Variants in WDR20 observed in about 807,000 individuals in gnomAD.
WDR20 encodes the protein WD repeat-containing protein 20.
A neutral mutation model predicts 38.7 loss-of-function variants in WDR20; 3 were observed. The ratio of observed to expected loss-of-function variants is 0.08; its 90% CI spans 0.04 to 0.20. The LOEUF is 0.20. Ranked by LOEUF, WDR20 falls within the 10% of genes least tolerant of loss-of-function variation. The pLI is 1.00. For synonymous variants in WDR20, 298 were observed against 285.6 expected (o/e 1.04, Z -0.44); for missense variants, 559 against 727.7 (o/e 0.77, Z 2.67).
rs1026841613 is a variant in WDR20, at chr14:102,190,241, T to C, written c.250-4697T>C. Among the ~76,000 whole-genome samples, 8 of 152,292 alleles carry C rather than the reference T, an allele frequency of 5.3e-5. No individual in the cohort carries two copies. In the South Asian group the frequency reaches 1.5e-3, roughly 28 times the overall value. ...TTGGATTGGATGATGATTGTAAAGT[T>C]CCTGGTGCAGGCCTGGCACATAGGA... On this transcript the variant is annotated intron_variant, in intron 1 of 2. Coordinates refer to ENST00000342702, the MANE Select transcript of WDR20 (RefSeq NM_144574.4).
rs980083914 is a variant in WDR20, at chr14:102,221,431, G to A, written c.1693-1399G>A. Among the ~76,000 whole-genome samples, 1 of 152,226 alleles carries A rather than the reference G, an allele frequency of 6.6e-6. No homozygotes were observed. Among genetic ancestry groups the A allele is most frequent in the Non-Finnish European group, 1.5e-5 (1 of 68,034 alleles). On this transcript the variant is annotated intron_variant, in intron 3 of 3. Coordinates refer to the WDR20 transcript ENST00000335263. This position sits in a 1 kb window ranked among gnomAD's most constrained non-coding sequence, Gnocchi z 4.8. ...GAGGCTTCCTTCCTCCAGACTGTCT[G>A]CGGCAGAAGTGGGGTCAGGAACCTG...
downstream of WDR20, among the ~76,000 whole-genome samples, chr14:102,215,305 A>T (rs1287714548): frequency 1.3e-5 from 2 of 152,188 alleles, no homozygotes; most frequent in African/African-American, 4.8e-5. Flanking sequence ...CTTCTGTTTA[A>T]TGAGAATGCA....
At position 102,194,446 on chromosome 14, in the gene WDR20, T is replaced by G. The variant is rs140286144; in HGVS notation, c.250-492T>G. ...ATTTAGTCTGGGGTGAGGTTTGAGATTTTTGCATTTCTAAGTTCCCACATG... is the reference window on the plus strand; with the variant it reads ...ATTTAGTCTGGGGTGAGGTTTGAGAGTTTTGCATTTCTAAGTTCCCACATG... On this transcript the variant is annotated intron_variant, in intron 1 of 2. Transcript: ENST00000342702. Among the ~76,000 whole-genome samples, 52 of 152,294 alleles carry G rather than the reference T, an allele frequency of 3.4e-4. No homozygotes were observed. The East Asian group carries it at 4.6e-3, about 14-fold the overall frequency.
At chr14:102,157,525 C>T (rs1388791283) in intron 1 of WDR20, among the ~76,000 whole-genome samples, 2 of 152,088 alleles carry the variant, frequency 1.3e-5, no homozygotes, top group Non-Finnish European at 2.9e-5. Context: ...TCTTGCTGCC[C>T]TAACTAGAGG....
At chr14:102,214,244 GCCC>G (rs71468392), downstream of WDR20, 4 of 985,468 alleles carry the variant, frequency 4.1e-6, no homozygotes, top group Admixed American at 6.1e-5. Flanking sequence ...AGCCTGCAGG[GCCC>G]CCCCTTGTCT....
At chr14:102,184,579 A>G (rs2064141343) in intron 1 of WDR20, among the ~76,000 whole-genome samples, 1 of 152,084 alleles carries the variant, frequency 6.6e-6, no homozygotes, top group Non-Finnish European at 1.5e-5. Context: ...CACCCGATGC[A>G]GAGCTCCAAA....
At chr14:102,175,133 A>G (rs1021135462) in intron 1 of WDR20, among the ~76,000 whole-genome samples, 3 of 152,220 alleles carry the variant, frequency 2.0e-5, no homozygotes. Context: ...GCCTAAGCCA[A>G]TGCCTAGAAG....
chr14:102,204,563 A>G (rs1464458200), intron 2 of WDR20, among the ~76,000 whole-genome samples: 3 of 152,214 alleles, frequency 2.0e-5, no homozygotes, highest in Non-Finnish European at 2.9e-5. Context: ...TACGCACTCA[A>G]TACTGGATGG....
intron 2 of WDR20, among the ~76,000 whole-genome samples, chr14:102,202,378 T>G (rs995690401): frequency 1.5e-5 from 2 of 134,920 alleles, no homozygotes; most frequent in Non-Finnish European, 3.2e-5. Flanking sequence ...GGAGGTTTTT[T>G]TTTTTTTTTT....
chr14:102,212,798 T>C (rs1567087025), downstream of WDR20: 1 of 1,344,726 alleles, frequency 7.4e-7, no homozygotes, highest in Admixed American at 3.1e-5. Flanking sequence ...CTCGCCAAAC[T>C]TTGAGCTTCC....
intron 1 of WDR20, among the ~76,000 whole-genome samples, chr14:102,177,736 A>T (rs1024655359): frequency 6.6e-6 from 1 of 152,214 alleles, no homozygotes; most frequent in African/African-American, 2.4e-5. Flanking sequence ...AGGCTTCCGC[A>T]GTTATCTATT....
Position 102,207,766 on chromosome 14 carries a change from TG to T in WDR20, c.433-835del, listed in dbSNP as rs2061816566. Among the ~76,000 whole-genome samples the T allele has an allele frequency of 6.6e-6, 1 of 152,164 alleles. No individual in the cohort carries two copies. Among genetic ancestry groups the T allele is most frequent in the Non-Finnish European group, 1.5e-5 (1 of 68,032 alleles). ...AAGCAGGGAAAGAGACTTGTGCCTT[TG>T]GTGGGGCAGGTATTTTTGCCCTTCG... is the stretch of plus-strand genomic sequence containing the variant. On this transcript the variant is annotated intron_variant, in intron 2 of 2. Coordinates refer to ENST00000342702, the MANE Select transcript of WDR20 (RefSeq NM_144574.4). This position sits in a 1 kb window ranked among gnomAD's most constrained non-coding sequence, Gnocchi z 5.0.
intron 1 of WDR20, among the ~76,000 whole-genome samples, chr14:102,151,173 ATTTTTTTTTTTT>A (rs534503694): frequency 1.8e-5 from 2 of 111,548 alleles, no homozygotes; most frequent in East Asian, 4.9e-4. Context: ...CCATTGGGGA[ATTTTTTTTTTTT>A]TTTTTTTTTT....
At chr14:102,174,368 A>G (rs1222252275) in intron 1 of WDR20, among the ~76,000 whole-genome samples, 1 of 152,066 alleles carries the variant, frequency 6.6e-6, no homozygotes, top group Non-Finnish European at 1.5e-5. Flanking sequence ...CAGCCATGTA[A>G]AAGTGCTCGC....
At chr14:102,189,722 A>C (rs2065859741) in intron 1 of WDR20, among the ~76,000 whole-genome samples, 1 of 152,252 alleles carries the variant, frequency 6.6e-6, no homozygotes, top group Non-Finnish European at 1.5e-5. Flanking sequence ...AGAATCTATC[A>C]GAAAGCTGAA....
chr14:102,208,833 G>A lies in WDR20; in HGVS notation c.663G>A (p.Gly221=). 1 of 1,614,160 alleles carries A rather than the reference G, an allele frequency of 6.2e-7. No homozygotes were observed. The highest frequency in any genetic ancestry group is 8.5e-7 in the Non-Finnish European group (1 of 1,180,020). The change falls in exon 3 of 3, where the codon GGG becomes GGA. Residue 221 remains glycine, a synonymous_variant. Transcript: ENST00000342702. This position sits in a 1 kb window ranked among gnomAD's most constrained non-coding sequence, Gnocchi z 5.6. ...TCCTTAAGTGGACGGTGGGCGAGGG[G>A]GCCCTCAACGAGTTTGCTTTCTCCC... ...NPLLKWTVGE[G]ALNEFAFSPD...
chr14:102,213,662 G>T, downstream of WDR20: 1 of 985,464 alleles, frequency 1.0e-6, no homozygotes. Context: ...ACGTGGCCAG[G>T]CAGCCATTTC....
intron 1 of WDR20, among the ~76,000 whole-genome samples, chr14:102,192,219 A>G (rs2058630465): frequency 6.7e-6 from 1 of 149,886 alleles, no homozygotes; most frequent in Admixed American, 6.7e-5. Flanking sequence ...TCGCTCTGTC[A>G]CCCATACTGG....
chr14:102,213,333 C>CA, downstream of WDR20: 1 of 985,466 alleles, frequency 1.0e-6, no homozygotes, highest in South Asian at 4.7e-5. Context: ...AGACACTTTA[C>CA]AAATAACCAG....
Sources: allele counts gnomAD v4.1 joint callset (sites outside exome capture counted in the v4.1 genomes callset), GRCh38; gene constraint gnomAD v4.1.1; non-coding constraint Gnocchi (gnomAD v3.1); transcripts MANE v1.5; gene names NCBI Gene and HGNC (gene_info 2026-07-23, HGNC 2026-07-21).